GGA2: variants seen among roughly 807,000 people sequenced by gnomAD.
GGA2 encodes the protein golgi associated, gamma adaptin ear containing, ARF binding protein 2, also known as ADP-ribosylation factor-binding protein GGA2.
In GGA2, 48 loss-of-function variants were observed where a neutral mutation model predicts 79.5. The observed-to-expected ratio is 0.60, with a 90% CI of 0.48 to 0.77. GGA2 has a LOEUF of 0.77. GGA2 is among the 30% of genes least tolerant of loss of function. The pLI is 0.00. For synonymous variants in GGA2, 317 were observed against 302.0 expected (o/e 1.05, Z -0.51); for missense variants, 770 against 774.0 (o/e 0.99, Z 0.06).
rs947923174 is a variant in GGA2 at position 23,466,382 on chromosome 16, A to T, written c.*1208T>A. 9.2e-5 allele frequency: 14 copies of T among 152,314 alleles called. No individual in the cohort carries two copies. The highest frequency in any genetic ancestry group is 3.9e-4 in the Admixed American group (6 of 15,292). 9.4% of individuals were successfully genotyped at this position (152,314 alleles called of 1,614,324 possible). On this transcript the variant is annotated 3_prime_UTR_variant, in exon 17 of 17. Transcript: ENST00000309859. ...AGTAGGTGCTAAGTGGGAATTGATTATAAACTTGAATTCTTCCATCAACAA... is the reference window on the plus strand; with the variant it reads ...AGTAGGTGCTAAGTGGGAATTGATTTTAAACTTGAATTCTTCCATCAACAA...
Position 23,467,717 on chromosome 16 carries a change from A to AG in GGA2, c.1732-18dup. On this transcript the variant is annotated splice_polypyrimidine_tract_variant and intron_variant, in intron 16 of 16. Transcript: ENST00000309859. Reference sequence around the variant, plus strand: ...GATAGGTTCCTGGGACAGAAGAGACAGAAGATGTCAAATCAGTGGAGAGCA... The same window carrying AG: ...GATAGGTTCCTGGGACAGAAGAGACAGGAAGATGTCAAATCAGTGGAGAGCA... The AG allele has an allele frequency of 7.7e-7, 1 of 1,304,344 alleles. No individual in the cohort carries two copies. The highest frequency in any genetic ancestry group is 1.1e-6 in the Non-Finnish European group (1 of 897,364). 80.8% of individuals were successfully genotyped at this position (1,304,344 alleles called of 1,614,324 possible). A position where few individuals can be genotyped will look rare whatever the true frequency, so the allele number is the denominator to read the frequency against.
rs528064767 is a variant in GGA2 at position 23,466,639 on chromosome 16, C to T, written c.*951G>A. The stretch of plus-strand genomic sequence containing the variant: ...CAATGACTGTATATTTAGTCACCAC[C>T]TCAATCACTGCTAAGCTCTCTTCAT... On this transcript the variant is annotated 3_prime_UTR_variant, in exon 17 of 17. Coordinates refer to ENST00000309859, the MANE Select transcript of GGA2 (RefSeq NM_015044.4). 80 of 152,114 alleles carry T rather than the reference C, an allele frequency of 5.3e-4. No individual in the cohort carries two copies. The highest frequency in any genetic ancestry group is 1.9e-3 in the African/African-American group (77 of 41,422). The allele number at this position is 152,114 out of a possible 1,614,324, so 9.4% of individuals were successfully genotyped here.
chr16:23,468,055 G>T (rs1270112177), intron 16 of GGA2, among the ~76,000 whole-genome samples: 1 of 152,070 alleles, frequency 6.6e-6, no homozygotes, highest in African/African-American at 2.4e-5. Context: ...TCCAGCGAGG[G>T]ATATTCCACA....
chr16:23,486,618 G>T, intron 7 of GGA2, 92 bp downstream of exon 7: 1 of 814,638 alleles, frequency 1.2e-6, no homozygotes, highest in Non-Finnish European at 2.2e-6. Flanking sequence ...CCAGGCAACC[G>T]TTCCTCTACC....
intron 8 of GGA2, 74 bp downstream of exon 8, chr16:23,485,941 G>A: frequency 1.5e-6 from 2 of 1,350,076 alleles, no homozygotes; most frequent in Middle Eastern, 1.9e-4. Context: ...TGGCTTCATG[G>A]GTGCAAACAG....
intron 1 of GGA2, among the ~76,000 whole-genome samples, chr16:23,508,105 T>C (rs988260728): frequency 2.0e-5 from 3 of 150,384 alleles, no homozygotes; most frequent in African/African-American, 7.3e-5. Flanking sequence ...CCTTGTCACC[T>C]AGGCTGGAGT....
intron 6 of GGA2, 59 bp downstream of exon 6, chr16:23,488,547 C>A: frequency 5.1e-6 from 5 of 970,916 alleles, no homozygotes; most frequent in Non-Finnish European, 8.4e-6. Flanking sequence ...CATCAAAGGG[C>A]ATTTACAGTG....
At chr16:23,518,442 T>C (rs1424779367) in intron 2 of GGA2, among the ~76,000 whole-genome samples, 1 of 152,080 alleles carries the variant, frequency 6.6e-6, no homozygotes, top group Non-Finnish European at 1.5e-5. Flanking sequence ...TAAACGCCTG[T>C]GCTCAAGCAA....
intron 9 of GGA2, 44 bp downstream of exon 9, chr16:23,482,879 C>A: frequency 1.8e-6 from 2 of 1,120,404 alleles, no homozygotes; most frequent in East Asian, 2.3e-5. Flanking sequence ...CCGAGTCTGT[C>A]TTGCACCTGG....
chr16:23,473,290 C>G (rs1964536707), intron 14 of GGA2, among the ~76,000 whole-genome samples: 1 of 142,258 alleles, frequency 7.0e-6, no homozygotes, highest in Admixed American at 7.1e-5. Flanking sequence ...GAATTTCCAT[C>G]TCTGGCTGTT....
At chr16:23,484,974 G>A (rs893478775) in intron 8 of GGA2, among the ~76,000 whole-genome samples, 1 of 152,170 alleles carries the variant, frequency 6.6e-6, no homozygotes, top group Admixed American at 6.5e-5. Flanking sequence ...CCAAAAAGTA[G>A]GAACAACCCA....
intron 16 of GGA2, 86 bp from the exon 17 acceptor site, chr16:23,467,786 A>G (rs1964460644): frequency 1.4e-6 from 1 of 731,920 alleles, no homozygotes; most frequent in African/African-American, 1.7e-5. Context: ...AGTGTTTCAA[A>G]CAATTCTGAC....
chr16:23,470,059 C>T lies in GGA2; in HGVS notation c.1557G>A (p.Leu519=). 1 of 1,608,916 alleles carries T rather than the reference C, an allele frequency of 6.2e-7. No individual in the cohort carries two copies. The highest frequency in any genetic ancestry group is 1.7e-5 in the Admixed American group (1 of 59,264). ...GCTGGGGAGCCGTGCTCATCATGGT[C>T]AAGAGCAGCACCTGTACCTCTGGGT... ...PGHPEVQVLL[L]TMMSTAPQPV... is the part of the protein sequence containing the mutation. Residue 519 remains leucine, a synonymous_variant, in exon 15 of 17, where the codon TTG becomes TTA. Transcript: ENST00000309859.
chr16:23,498,508 G>A (rs1347258028), intron 1 of GGA2, among the ~76,000 whole-genome samples: 2 of 152,064 alleles, frequency 1.3e-5, no homozygotes, highest in Admixed American at 1.3e-4. Context: ...TAGGAGGATC[G>A]CCTGAACCCA....
rs778698998 is a variant in GGA2, at chr16:23,470,098, C to T, written c.1518G>A (p.Thr506=). 5.0e-6 allele frequency: 8 copies of T among 1,610,294 alleles called. No homozygotes were observed. The highest frequency in any genetic ancestry group is 5.1e-6 in the Non-Finnish European group (6 of 1,178,374). Residue 506 remains threonine, a synonymous_variant, in exon 15 of 17, where the codon ACG becomes ACA. Coordinates refer to ENST00000309859, the MANE Select transcript of GGA2 (RefSeq NM_015044.4). ...GFRILLHFSQ[T]GAPGHPEVQV... The stretch of plus-strand genomic sequence containing the variant: ...GTACCTCTGGGTGCCCAGGGGCTCC[C>T]GTCTGGGAGAAGTGGAGCAGAATTC...
At chr16:23,488,892 AG>A (rs1278871101) in intron 5 of GGA2, among the ~76,000 whole-genome samples, 183 bp from the exon 6 acceptor site, 1 of 152,194 alleles carries the variant, frequency 6.6e-6, no homozygotes, top group Non-Finnish European at 1.5e-5. Context: ...GGAGAATCCA[AG>A]GGACCATGGT....
At position 23,468,992 on chromosome 16, in the gene GGA2, A is replaced by G; in HGVS notation, c.1625T>C (p.Met542Thr). The change falls in exon 16 of 17, where the codon ATG (methionine) becomes ACG (threonine). Residue 542 changes from methionine (M) to threonine (T), a missense_variant. Met to Thr is a moderately conservative substitution (Grantham distance 81). Coordinates refer to ENST00000309859, the MANE Select transcript of GGA2 (RefSeq NM_015044.4). Reference sequence around the variant, plus strand: ...GGATGCCGGCTGCAGCTTCACTCTCATTGACTATCAGGGGAAGAAAACCAA... The same window carrying G: ...GGATGCCGGCTGCAGCTTCACTCTCGTTGACTATCAGGGGAAGAAAACCAA... ...IMFQVAVPKSMRVKLQPASSS... is the reference protein window; with the variant it reads ...IMFQVAVPKSTRVKLQPASSS... 6.3e-7 allele frequency: 1 copy of G among 1,596,144 alleles called. No homozygotes were observed. The highest frequency in any genetic ancestry group is 8.6e-7 in the Non-Finnish European group (1 of 1,163,684).
chr16:23,478,279 T>G, intron 13 of GGA2, 89 bp downstream of exon 13: 1 of 969,146 alleles, frequency 1.0e-6, no homozygotes, highest in Non-Finnish European at 1.5e-6. Flanking sequence ...AGAGGCTGTC[T>G]TAGAGCACCA....
chr16:23,497,383 C>T (rs1964869761), intron 1 of GGA2, among the ~76,000 whole-genome samples: 1 of 152,188 alleles, frequency 6.6e-6, no homozygotes, highest in Non-Finnish European at 1.5e-5. Context: ...GCCAACCCCA[C>T]TGCTTCTCCC....
Sources: gnomAD v4.1 joint callset for allele counts (sites outside exome capture counted in the v4.1 genomes callset) on GRCh38, gnomAD v4.1.1 for gene constraint, MANE v1.5 for transcripts, NCBI Gene and HGNC (gene_info 2026-07-23, HGNC 2026-07-21) for gene names.